The following SPATA13 variants were observed in gnomAD, a reference collection of about 807,000 sequenced individuals.
SPATA13 encodes the protein spermatogenesis associated 13.
In SPATA13, 50 loss-of-function variants were observed where a neutral mutation model predicts 104.0. That is an observed-to-expected ratio of 0.48 (90% confidence interval 0.38 to 0.61). The LOEUF (loss-of-function observed/expected upper bound fraction) is 0.61. SPATA13 is among the 20% of genes least tolerant of loss of function. The pLI, the probability that SPATA13 is intolerant of heterozygous loss-of-function variation, is 0.00. For missense variants in SPATA13, 1,524 were observed against 1,690.6 expected, an observed-to-expected ratio of 0.90 and a Z score of 1.73; for synonymous variants, 606 against 667.5, an observed-to-expected ratio of 0.91 and a Z score of 1.42.
intron 1 of SPATA13, among the ~76,000 whole-genome samples, chr13:24,187,236 G>C (rs1285275983): frequency 6.6e-6 from 1 of 152,166 alleles, no homozygotes; most frequent in Non-Finnish European, 1.5e-5. Flanking sequence ...AGCAAGATCT[G>C]CTTTTCTGTT....
chr13:24,095,615 A>G (rs1433457971), intron 3 of SPATA13, among the ~76,000 whole-genome samples: 1 of 152,018 alleles, frequency 6.6e-6, no homozygotes, highest in East Asian at 1.9e-4. Flanking sequence ...TTTAAAAAGA[A>G]AAACCACCTT....
Position 24,144,013 on chromosome 13 carries a change from C to G in SPATA13, c.-111-78806C>G, listed in dbSNP as rs192539015. Among the ~76,000 whole-genome samples, 62 of 152,266 alleles carry G rather than the reference C, an allele frequency of 4.1e-4. No homozygotes were observed. In the East Asian group the frequency reaches 9.3e-3, roughly 23 times the overall value. ...CCGCCCAGGGTTGGCCAGAAACACT[C>G]AAAGCACGTAGAGTGGGGAGAACAG... On this transcript the variant is annotated intron_variant, in intron 3 of 14. Transcript: ENST00000424834.
intron 2 of SPATA13, among the ~76,000 whole-genome samples, chr13:24,010,064 T>C (rs1324716230): frequency 6.6e-6 from 1 of 152,170 alleles, no homozygotes; most frequent in Admixed American, 6.5e-5. Flanking sequence ...ACATGTAAGA[T>C]GTACACTGGT....
rs1877369078 is a variant in SPATA13 at position 24,303,588 on chromosome 13, T to G, written c.*815T>G. On this transcript the variant is annotated 3_prime_UTR_variant, in exon 13 of 13. Transcript: ENST00000382108. Reference sequence around the variant, plus strand: ...GTAACTCCGAGCAGAAATCACATCTTGCCCACATGCTGTAACCTAAGAAAC... The same window carrying G: ...GTAACTCCGAGCAGAAATCACATCTGGCCCACATGCTGTAACCTAAGAAAC... The G allele has an allele frequency of 6.5e-6, 1 of 155,008 alleles. No homozygotes were observed. Among genetic ancestry groups the G allele is most frequent in the Non-Finnish European group, 1.4e-5 (1 of 69,720 alleles). The allele number at this position is 155,008 out of a possible 1,614,324, so 9.6% of individuals were successfully genotyped here.
At chr13:24,092,402 A>G (rs1879938200) in intron 3 of SPATA13, among the ~76,000 whole-genome samples, 1 of 152,244 alleles carries the variant, frequency 6.6e-6, no homozygotes, top group Admixed American at 6.5e-5. Context: ...TTGCATAGTT[A>G]GTGAATGACT....
At chr13:24,179,484 C>T (rs777780411) in intron 1 of SPATA13, among the ~76,000 whole-genome samples, 4 of 152,120 alleles carry the variant, frequency 2.6e-5, no homozygotes, top group Non-Finnish European at 4.4e-5. Context: ...TAAACTTTAC[C>T]ATTTTAACCA....
At chr13:24,062,588 A>C (rs1878810014) in intron 3 of SPATA13, among the ~76,000 whole-genome samples, 1 of 152,114 alleles carries the variant, frequency 6.6e-6, no homozygotes, top group Non-Finnish European at 1.5e-5. Flanking sequence ...AGGAGCCTCC[A>C]TCCAGTTCTA....
chr13:23,981,144 G>A (rs1028891939), intron 1 of SPATA13, among the ~76,000 whole-genome samples: 3 of 152,140 alleles, frequency 2.0e-5, no homozygotes, highest in Non-Finnish European at 4.4e-5. Context: ...GAAAGATGGC[G>A]ACTTTCACAA....
chr13:24,104,330 T>C (rs1289319249), intron 3 of SPATA13, among the ~76,000 whole-genome samples: 1 of 152,176 alleles, frequency 6.6e-6, no homozygotes, highest in Non-Finnish European at 1.5e-5. Flanking sequence ...AAAGGGATCC[T>C]GGTTCCATCA....
intron 4 of SPATA13, chr13:24,278,741 G>A: frequency 6.3e-7 from 1 of 1,591,180 alleles, no homozygotes. Flanking sequence ...AAAAAACAAA[G>A]AAAGAAACTT....
rs570306086 is a variant in SPATA13 at position 24,060,852 on chromosome 13, A to G, written c.-112+43151A>G. Among the ~76,000 whole-genome samples, 4 of 152,356 alleles carry G rather than the reference A, an allele frequency of 2.6e-5. No individual in the cohort carries two copies. The East Asian group carries it at 7.7e-4, about 29-fold the overall frequency. ...TCAGGAGTTTGAAATCAGCGTGGCC[A>G]ACATGGCAAAACCCCGCCTCTACTA... On this transcript the variant is annotated intron_variant, in intron 3 of 14. Transcript: ENST00000424834.
At chr13:24,138,224 T>G (rs1415860354) in intron 3 of SPATA13, among the ~76,000 whole-genome samples, 3 of 151,800 alleles carry the variant, frequency 2.0e-5, no homozygotes, top group African/African-American at 7.3e-5. Flanking sequence ...AGAGAATTGC[T>G]TGAACCCAGA....
Position 24,088,984 on chromosome 13 carries a change from G to A in SPATA13, c.-112+71283G>A, listed in dbSNP as rs942857194. ...CGGTCATCGACAGCTCTGGGTTTAT[G>A]ACAAAAGAAACCTGCACAAATGCTG... On this transcript the variant is annotated intron_variant, in intron 3 of 14. Coordinates refer to the SPATA13 transcript ENST00000424834. The surrounding 1 kb of genome is among the most constrained non-coding windows in gnomAD (Gnocchi z 4.3). Among the ~76,000 whole-genome samples the A allele has an allele frequency of 6.6e-6, 1 of 152,168 alleles. No individual in the cohort carries two copies. Among genetic ancestry groups the A allele is most frequent in the African/African-American group, 2.4e-5 (1 of 41,440 alleles).
chr13:24,136,509 G>A (rs1209131310), intron 3 of SPATA13, among the ~76,000 whole-genome samples: 44 of 151,842 alleles, frequency 2.9e-4, no homozygotes, highest in Admixed American at 2.7e-3. Context: ...GAAAGTGAGA[G>A]AGAGGGAGAG....
intron 1 of SPATA13, among the ~76,000 whole-genome samples, chr13:24,180,521 T>C (rs1314761324): frequency 6.6e-6 from 1 of 152,206 alleles, no homozygotes; most frequent in African/African-American, 2.4e-5. Flanking sequence ...TTGCAAATCA[T>C]GCAAAGTCGT....
intron 4 of SPATA13, among the ~76,000 whole-genome samples, chr13:24,266,727 G>C (rs1354530402): frequency 1.3e-5 from 2 of 152,062 alleles, no homozygotes; most frequent in Non-Finnish European, 2.9e-5. Context: ...TCATTTCCCA[G>C]TTCCAGTGAG....
intron 3 of SPATA13, among the ~76,000 whole-genome samples, chr13:24,052,836 T>TCCCCCCCCCCCCCCCCCC (rs1878392957): frequency 7.3e-5 from 1 of 13,616 alleles, no homozygotes; most frequent in Non-Finnish European, 1.2e-4. Flanking sequence ...CAGGGGATCC[T>TCCCCCCCCCCCCCCCCCC]CCCCGCCACT....
At chr13:24,156,218 A>G (rs1882253110), upstream of SPATA13, among the ~76,000 whole-genome samples, 1 of 152,200 alleles carries the variant, frequency 6.6e-6, no homozygotes, top group African/African-American at 2.4e-5. Context: ...TTGCTGGATG[A>G]TACGGTAATT....
At chr13:24,090,660 G>A (rs539462397) in intron 3 of SPATA13, among the ~76,000 whole-genome samples, 5 of 152,250 alleles carry the variant, frequency 3.3e-5, no homozygotes, top group African/African-American at 9.6e-5. Flanking sequence ...CCAACTTACT[G>A]ATGTTCCCTA....
Sources: allele counts gnomAD v4.1 joint callset (sites outside exome capture counted in the v4.1 genomes callset), GRCh38; gene constraint gnomAD v4.1.1; non-coding constraint Gnocchi (gnomAD v3.1); transcripts MANE v1.5; gene names NCBI Gene and HGNC (gene_info 2026-07-23, HGNC 2026-07-21).